The following ZER1 variants were observed in gnomAD, a reference collection of about 807,000 sequenced individuals.
ZER1 encodes zyg-11 related cell cycle regulator, also known as protein zer-1 homolog.
A neutral mutation model predicts 78.8 loss-of-function variants in ZER1; 11 were observed. That is an observed-to-expected ratio of 0.14 (90% confidence interval 0.09 to 0.23). The LOEUF (loss-of-function observed/expected upper bound fraction) is 0.23, where lower values mean the gene tolerates loss of function less well. Ranked by LOEUF, ZER1 falls within the 10% of genes least tolerant of loss-of-function variation. The pLI, the probability that ZER1 is intolerant of heterozygous loss-of-function variation, is 1.00. For missense variants in ZER1, 588 were observed against 996.9 expected, an observed-to-expected ratio of 0.59 and a Z score of 5.52; for synonymous variants, 400 against 407.0, an observed-to-expected ratio of 0.98 and a Z score of 0.21.
In ZER1 at chr9:128,753,924, T is replaced by C; in HGVS notation, c.194A>G (p.Glu65Gly). 6.3e-7 allele frequency: 1 copy of C among 1,593,468 alleles called. No homozygotes were observed. Among genetic ancestry groups the C allele is most frequent in the Non-Finnish European group, 8.5e-7 (1 of 1,170,598 alleles). The change falls in exon 3 of 16, where the codon GAG (glutamate) becomes GGG (glycine). Residue 65 changes from glutamate to glycine, a missense_variant. By Grantham distance (98) the Glu-to-Gly change is moderately conservative. Around this residue, in one of 3 missense-constraint regions of ZER1, gnomAD observed 406 missense variants for 660.1 expected, o/e 0.62. Transcript: ENST00000291900. The surrounding 1 kb of genome is among the most constrained non-coding windows in gnomAD (Gnocchi z 7.5). ...GAGGCTGAAGAAGCTCTCGTGTGGC[T>C]CGAAGTTACAGGCAGCGTTCACCAG... ...VELVNAACNF[E>G]PHESFFSLFS...
In ZER1 at chr9:128,754,894, A is replaced by G. The variant is rs1438842898; in HGVS notation, c.158+514T>C. 6.6e-6 allele frequency among the ~76,000 whole-genome samples: 1 copy of G among 152,024 alleles called. No individual in the cohort carries two copies. Among genetic ancestry groups the G allele is most frequent in the African/African-American group, 2.4e-5 (1 of 41,386 alleles). ...TAGCATGCTTCTAGGAGCCCCTAGGAGTGGGGAGGCCCTCGGAGGGCCATT... is the reference window on the plus strand; with the variant it reads ...TAGCATGCTTCTAGGAGCCCCTAGGGGTGGGGAGGCCCTCGGAGGGCCATT... On this transcript the variant is annotated intron_variant, in intron 2 of 15. Coordinates refer to ENST00000291900, the MANE Select transcript of ZER1 (RefSeq NM_006336.4). The surrounding 1 kb of genome is among the most constrained non-coding windows in gnomAD (Gnocchi z 4.3).
intron 1 of ZER1, among the ~76,000 whole-genome samples, chr9:128,759,153 C>T (rs899289697): frequency 5.3e-5 from 8 of 151,632 alleles, no homozygotes; most frequent in South Asian, 2.1e-4. Flanking sequence ...TGGGCCACCG[C>T]GCCCAGCCAG....
chr9:128,745,004 G>A (rs1343749957), intron 8 of ZER1, among the ~76,000 whole-genome samples: 1 of 151,850 alleles, frequency 6.6e-6, no homozygotes, highest in Non-Finnish European at 1.5e-5. Context: ...GTTTCTTTAG[G>A]GCACACATGC....
chr9:128,756,263 C>T (rs189910008), intron 1 of ZER1, among the ~76,000 whole-genome samples: 6 of 152,228 alleles, frequency 3.9e-5, no homozygotes, highest in Admixed American at 6.5e-5. Context: ...CTGGCTAACA[C>T]GGTGAAACCC....
intron 8 of ZER1, among the ~76,000 whole-genome samples, chr9:128,743,627 C>T (rs985198877): frequency 5.3e-5 from 8 of 152,090 alleles, no homozygotes; most frequent in African/African-American, 1.9e-4. Flanking sequence ...ACTATGTTGT[C>T]CAGGCTGGCC....
intron 1 of ZER1, among the ~76,000 whole-genome samples, chr9:128,760,410 G>A (rs1864004308): frequency 6.6e-6 from 1 of 151,600 alleles, no homozygotes; most frequent in South Asian, 2.1e-4. Flanking sequence ...AACCGTGTTA[G>A]CCAGGATGGT....
intron 8 of ZER1, among the ~76,000 whole-genome samples, chr9:128,743,346 C>G (rs1284115012): frequency 6.6e-6 from 1 of 152,046 alleles, no homozygotes; most frequent in Non-Finnish European, 1.5e-5. Context: ...GTACTCCTAG[C>G]CTCAAGTGAT....
rs750249910 is a variant in ZER1, at chr9:128,742,678, C to T, written c.1427G>A (p.Arg476His). The change falls in exon 9 of 16, where the codon CGC (arginine) becomes CAC (histidine). Residue 476 changes from arginine (R) to histidine (H), a missense_variant. Arg to His is a conservative substitution (Grantham distance 29). Around this residue, in one of 3 missense-constraint regions of ZER1, gnomAD observed 406 missense variants for 660.1 expected, o/e 0.62. Coordinates refer to ENST00000291900, the MANE Select transcript of ZER1 (RefSeq NM_006336.4). ...SIPEELEFQY[R>H]RVNELLLSIL... ...GCTGAGCAGGAGCTCGTTGACCCGGCGGTACTGGAATTCCAGCTCCTCGGG... is the reference window on the plus strand; with the variant it reads ...GCTGAGCAGGAGCTCGTTGACCCGGTGGTACTGGAATTCCAGCTCCTCGGG... 8 of 1,614,176 alleles carry T rather than the reference C, an allele frequency of 5.0e-6. No homozygotes were observed. Among genetic ancestry groups the T allele is most frequent in the East Asian group, 2.2e-5 (1 of 44,882 alleles).
rs752735075 is a variant in ZER1 at position 128,752,696 on chromosome 9, C to T, written c.900G>A (p.Met300Ile). 11 of 1,613,520 alleles carry T rather than the reference C, an allele frequency of 6.8e-6. No individual in the cohort carries two copies. The South Asian group carries it at 1.2e-4, about 18-fold the overall frequency. ...MILENCSISK[M>I]EEEAGQTSIE... ...ACCTGGTCTGCCCCGCTTCCTCTTC[C>T]ATCTTGGAGATGCTGCAGTTCTCTA... The change falls in exon 5 of 16, where the codon ATG becomes ATA. Residue 300 changes from methionine to isoleucine, a missense_variant. Around this residue, in one of 3 missense-constraint regions of ZER1, gnomAD observed 406 missense variants for 660.1 expected, o/e 0.62. Transcript: ENST00000291900.
rs368994262 is a variant in ZER1, at chr9:128,741,859, A to C, written c.1576-18T>G. ...AGCATGGTCTGCAGGCAGGGACAAG[A>C]GTCTGCTAGAGTGCTGGGGCTGAAG... On this transcript the variant is annotated intron_variant, in intron 9 of 15. Coordinates refer to ENST00000291900, the MANE Select transcript of ZER1 (RefSeq NM_006336.4). 1.9e-5 allele frequency: 30 copies of C among 1,614,080 alleles called. No individual in the cohort carries two copies. Among genetic ancestry groups the C allele is most frequent in the Non-Finnish European group, 2.5e-5 (30 of 1,180,026 alleles).
intron 7 of ZER1, 21 bp from the exon 8 acceptor site, chr9:128,750,810 C>T (rs1863651254): frequency 6.2e-7 from 1 of 1,613,604 alleles, no homozygotes; most frequent in Non-Finnish European, 8.5e-7. Flanking sequence ...ACAAGGGGGA[C>T]CTGGGCTGGC....
At chr9:128,748,630 G>A (rs927702616) in intron 8 of ZER1, among the ~76,000 whole-genome samples, 1 of 151,752 alleles carries the variant, frequency 6.6e-6, no homozygotes, top group Non-Finnish European at 1.5e-5. Context: ...GGAGTTCGGT[G>A]GCTTGATCTC....
At chr9:128,734,140 A>ATATATATATATATATAT (rs1428641240) in intron 14 of ZER1, among the ~76,000 whole-genome samples, 2 of 17,314 alleles carry the variant, frequency 1.2e-4, no homozygotes, top group East Asian at 4.8e-3. Context: ...AAAAAAAAAA[A>ATATATATATATATATAT]AAAAATATAT....
At chr9:128,741,258 C>G (rs1338088793) in intron 11 of ZER1, among the ~76,000 whole-genome samples, 1 of 152,224 alleles carries the variant, frequency 6.6e-6, no homozygotes, top group African/African-American at 2.4e-5. Context: ...GTAGTGGGCT[C>G]TGGCCAGCTG....
chr9:128,731,437 T>TGGGGGGTTGGGGG, intron 15 of ZER1, 43 bp from the exon 16 acceptor site: 1 of 451,614 alleles, frequency 2.2e-6, no homozygotes, highest in Non-Finnish European at 4.3e-6. Context: ...TGGGCTTGGG[T>TGGGGGGTTGGGGG]GGGGGTGAGC....
chr9:128,734,120 T>C (rs1589512988), intron 14 of ZER1, among the ~76,000 whole-genome samples: 2 of 10,844 alleles, frequency 1.8e-4, no homozygotes, highest in East Asian at 3.6e-3. Flanking sequence ...AGAGCAAAAC[T>C]CCGTCTCAAA....
intron 5 of ZER1, 87 bp downstream of exon 5, chr9:128,752,586 G>T: frequency 7.1e-7 from 1 of 1,413,074 alleles, no homozygotes; most frequent in Non-Finnish European, 9.4e-7. Flanking sequence ...TTCCCAAAGT[G>T]CTGGGATTAC....
At chr9:128,748,608 G>A (rs529617420) in intron 8 of ZER1, among the ~76,000 whole-genome samples, 2 of 151,774 alleles carry the variant, frequency 1.3e-5, no homozygotes, top group Admixed American at 6.6e-5. Context: ...GTCTCCCTCT[G>A]TCACCCAGGC....
chr9:128,753,592 C>T lies in ZER1; in HGVS notation c.318G>A (p.Val106=), dbSNP rs1863757377. 1.2e-6 allele frequency: 2 copies of T among 1,613,068 alleles called. No individual in the cohort carries two copies. The highest frequency in any genetic ancestry group is 1.7e-6 in the Non-Finnish European group (2 of 1,179,766). ...DLEAIRKQDL[V]ELYLTNCEKL... ...TCTCGCAGTTAGTCAGGTACAGCTC[C>T]ACCAGGTCCTGGGAGTGGGCACAGC... is the stretch of plus-strand genomic sequence containing the variant. The change falls in exon 4 of 16, where the codon GTG becomes GTA. Residue 106 remains valine (V), a synonymous_variant. Transcript: ENST00000291900. This position sits in a 1 kb window ranked among gnomAD's most constrained non-coding sequence, Gnocchi z 7.5.
Sources: gnomAD v4.1 joint callset for allele counts (sites outside exome capture counted in the v4.1 genomes callset) on GRCh38, gnomAD v4.1.1 for gene constraint, gnomAD v4.1.1 regional missense constraint, Gnocchi (gnomAD v3.1) non-coding constraint, MANE v1.5 for transcripts, NCBI Gene and HGNC (gene_info 2026-07-23, HGNC 2026-07-21) for gene names.